Variants in RTN1 observed in about 807,000 individuals in gnomAD.
The protein encoded by RTN1 is reticulon-1.
Under a neutral mutation model 65.5 loss-of-function variants are expected in RTN1, and 25 were observed. The ratio of observed to expected loss-of-function variants is 0.38; its 90% confidence interval spans 0.28 to 0.53. The LOEUF (loss-of-function observed/expected upper bound fraction) is 0.53. Ranked by LOEUF, RTN1 falls within the 20% of genes least tolerant of loss-of-function variation. The pLI, the probability that RTN1 is intolerant of heterozygous loss-of-function variation, is 0.79. For synonymous variants in RTN1, 471 were observed against 447.6 expected (o/e 1.05, Z -0.66); for missense variants, 983 against 1,025.4 (o/e 0.96, Z 0.57).
At chr14:59,734,711 A>G (rs1459804189) in intron 2 of RTN1, among the ~76,000 whole-genome samples, 4 of 152,196 alleles carry the variant, frequency 2.6e-5, no homozygotes, top group Admixed American at 6.5e-5. Flanking sequence ...AGAATGAACA[A>G]AACCTCTGAG....
At chr14:59,686,853 G>A (rs531311422) in intron 3 of RTN1, among the ~76,000 whole-genome samples, 8 of 152,300 alleles carry the variant, frequency 5.3e-5, no homozygotes, top group African/African-American at 1.7e-4. Context: ...CTGGAACCAA[G>A]AACAGGACAC....
Position 59,836,509 on chromosome 14 carries a change from T to TC in RTN1, c.241+33880dup, listed in dbSNP as rs1887215549. On this transcript the variant is annotated intron_variant, in intron 1 of 8. Transcript: ENST00000267484. The surrounding 1 kb of genome is among the most constrained non-coding windows in gnomAD (Gnocchi z 4.9). ...AGAGGTTTTGGCTTTCTTGCTTTCA[T>TC]CTATGGATGGGCTAAAATTTGTTGC... Among the ~76,000 whole-genome samples, 1 of 152,348 alleles carries TC rather than the reference T, an allele frequency of 6.6e-6. No homozygotes were observed. The highest frequency in any genetic ancestry group is 1.9e-4 in the East Asian group (1 of 5,186).
At chr14:59,857,191 A>G (rs1887623730) in intron 1 of RTN1, among the ~76,000 whole-genome samples, 1 of 152,150 alleles carries the variant, frequency 6.6e-6, no homozygotes, top group African/African-American at 2.4e-5. Flanking sequence ...GCTTAAAGCT[A>G]AAGCTTTAAG....
At chr14:59,615,389 C>T (rs1020762946) in intron 3 of RTN1, among the ~76,000 whole-genome samples, 5 of 151,960 alleles carry the variant, frequency 3.3e-5, no homozygotes, top group East Asian at 3.9e-4. Flanking sequence ...GTGGAGGTTG[C>T]GATGAACAGA....
chr14:59,641,598 C>T (rs760707314), intron 3 of RTN1, among the ~76,000 whole-genome samples: 14 of 151,972 alleles, frequency 9.2e-5, no homozygotes, highest in Middle Eastern at 3.4e-3. Context: ...CTTGAACTCC[C>T]GACCTCAGGT....
intron 3 of RTN1, among the ~76,000 whole-genome samples, chr14:59,627,058 G>T (rs544515587): frequency 2.0e-5 from 3 of 152,288 alleles, no homozygotes; most frequent in Non-Finnish European, 2.9e-5. Flanking sequence ...GAAGCCAAGA[G>T]AATCACCTTT....
At chr14:59,744,766 G>A (rs970514352) in intron 2 of RTN1, among the ~76,000 whole-genome samples, 12 of 152,080 alleles carry the variant, frequency 7.9e-5, no homozygotes, top group African/African-American at 2.4e-4. Flanking sequence ...CCCTTTAAGT[G>A]TACAGACTTA....
intron 1 of RTN1, among the ~76,000 whole-genome samples, chr14:59,827,284 T>C (rs1887049374): frequency 6.6e-6 from 1 of 152,166 alleles, no homozygotes; most frequent in Non-Finnish European, 1.5e-5. Flanking sequence ...TTCACCGTGT[T>C]AGCCAAGATG....
At position 59,749,661 on chromosome 14, in the gene RTN1, CTA is replaced by C. The variant is rs1491465770; in HGVS notation, c.242-3182_242-3181del. Among the ~76,000 whole-genome samples the C allele has an allele frequency of 6.3e-4, 19 of 30,334 alleles. 2 individuals are homozygous for C. The highest frequency in any genetic ancestry group is 1.4e-3 in the East Asian group (2 of 1,404). The allele number at this position is 30,334 out of a possible 152,430, so 19.9% of individuals were successfully genotyped here. A position where few individuals can be genotyped will look rare whatever the true frequency, so the allele number is the denominator to read the frequency against. ...TATCTATATATATTTATATAGATAT[CTA>C]TATATATTTATATATCTATATATTT... On this transcript the variant is annotated intron_variant, in intron 1 of 8. Transcript: ENST00000267484.
At chr14:59,809,600 GCTAA>G (rs759521128) in intron 1 of RTN1, among the ~76,000 whole-genome samples, 5 of 152,138 alleles carry the variant, frequency 3.3e-5, no homozygotes, top group Non-Finnish European at 7.4e-5. Flanking sequence ...TAATTAATCT[GCTAA>G]CTGTCTTTCC....
intron 3 of RTN1, among the ~76,000 whole-genome samples, chr14:59,659,989 G>A (rs1038560641): frequency 6.6e-6 from 1 of 151,492 alleles, no homozygotes; most frequent in Non-Finnish European, 1.5e-5. Context: ...CTGTATTCAG[G>A]AGACTCATCT....
At chr14:59,819,414 ACCCCC>A (rs1566737477) in intron 1 of RTN1, among the ~76,000 whole-genome samples, 2 of 31,862 alleles carry the variant, frequency 6.3e-5, no homozygotes, top group African/African-American at 6.0e-4. Flanking sequence ...CACCACCACC[ACCCCC>A]CCCCCACCCC....
intron 1 of RTN1, among the ~76,000 whole-genome samples, chr14:59,859,121 G>C (rs1384106810): frequency 6.6e-6 from 1 of 152,184 alleles, no homozygotes; most frequent in Non-Finnish European, 1.5e-5. Context: ...ACAGTTTCCA[G>C]TTTCATTAGT....
intron 1 of RTN1, among the ~76,000 whole-genome samples, chr14:59,792,326 A>G (rs1242719742): frequency 6.6e-6 from 1 of 151,062 alleles, no homozygotes; most frequent in Non-Finnish European, 1.5e-5. Flanking sequence ...ACATCAGAGT[A>G]TCAATTCAGT....
At chr14:59,647,245 A>G (rs1274841905) in intron 3 of RTN1, among the ~76,000 whole-genome samples, 1 of 152,210 alleles carries the variant, frequency 6.6e-6, no homozygotes, top group East Asian at 1.9e-4. Flanking sequence ...CAACAAGAAA[A>G]CCTAACTCTC....
chr14:59,699,307 A>C (rs2139446300), intron 3 of RTN1, among the ~76,000 whole-genome samples: 1 of 152,184 alleles, frequency 6.6e-6, no homozygotes, highest in South Asian at 2.1e-4. Flanking sequence ...ATAAAAACAA[A>C]AGTTAATAAA....
chr14:59,764,232 A>C (rs745616050), intron 1 of RTN1, among the ~76,000 whole-genome samples: 4 of 152,192 alleles, frequency 2.6e-5, no homozygotes, highest in Non-Finnish European at 5.9e-5. Context: ...TAGAGCATAG[A>C]AGTGACTGGG....
chr14:59,738,016 T>A (rs1432145084), intron 2 of RTN1, among the ~76,000 whole-genome samples: 1 of 152,154 alleles, frequency 6.6e-6, no homozygotes, highest in African/African-American at 2.4e-5. Context: ...CAACTAAAGA[T>A]GGATTAAAGA....
At chr14:59,632,113 G>A (rs1028790584) in intron 3 of RTN1, among the ~76,000 whole-genome samples, 4 of 152,126 alleles carry the variant, frequency 2.6e-5, no homozygotes, top group African/African-American at 9.7e-5. Flanking sequence ...CAGAATACAA[G>A]CTTGTGGAGA....
Sources: gnomAD v4.1 joint callset for allele counts (sites outside exome capture counted in the v4.1 genomes callset) on GRCh38, gnomAD v4.1.1 for gene constraint, Gnocchi (gnomAD v3.1) non-coding constraint, MANE v1.5 for transcripts, NCBI Gene and HGNC (gene_info 2026-07-23, HGNC 2026-07-21) for gene names.